Variants in POFUT2 observed in about 807,000 individuals in gnomAD.
The protein encoded by POFUT2 is GDP-fucose protein O-fucosyltransferase 2.
Under a neutral mutation model 55.0 loss-of-function variants are expected in POFUT2, and 30 were observed. That is an observed-to-expected ratio of 0.55 (90% CI 0.41 to 0.74). The LOEUF (loss-of-function observed/expected upper bound fraction) is 0.74, where lower values mean the gene tolerates loss of function less well. Among genes scored for constraint, POFUT2 ranks in the 30% least tolerant of loss-of-function variants. The pLI, the probability that POFUT2 is intolerant of heterozygous loss-of-function variation, is 0.00. For missense variants in POFUT2, 524 were observed against 562.6 expected (o/e 0.93, Z 0.69); for synonymous variants, 267 against 231.1 (o/e 1.16, Z -1.41).
In POFUT2 at chr21:45,281,829, G is replaced by A. The variant is rs1174991692; in HGVS notation, c.638+520C>T. Among the ~76,000 whole-genome samples the A allele has an allele frequency of 6.6e-6, 1 of 152,056 alleles. No homozygotes were observed. Among genetic ancestry groups the A allele is most frequent in the Non-Finnish European group, 1.5e-5 (1 of 68,008 alleles). ...CCCTCCAGAGTTTACGACATCATCAGGTACTGACTTGTCTGCAACCCCAGC... is the reference window on the plus strand; with the variant it reads ...CCCTCCAGAGTTTACGACATCATCAAGTACTGACTTGTCTGCAACCCCAGC... On this transcript the variant is annotated intron_variant, in intron 4 of 8. Transcript: ENST00000349485. The surrounding 1 kb of genome is among the most constrained non-coding windows in gnomAD (Gnocchi z 5.0).
At position 45,264,703 on chromosome 21, in the gene POFUT2, CGGGGCGAGGGAGGGGTGGCCAGTG is replaced by C. The variant is rs894165674; in HGVS notation, c.*755_*778del. The C allele has an allele frequency of 3.2e-5, 1 of 31,032 alleles. No homozygotes were observed. Among genetic ancestry groups the C allele is most frequent in the Non-Finnish European group, 6.5e-5 (1 of 15,436 alleles). The allele number at this position is 31,032 out of a possible 1,614,324, so 1.9% of individuals were successfully genotyped here. On this transcript the variant is annotated 3_prime_UTR_variant, in exon 9 of 9. Transcript: ENST00000349485. ...CGGGGTGAGGGTGGGGCGGGGCAGTCGGGGCGAGGGAGGGGTGGCCAGTGGGGGCGAGGGTGGGTGGCCAGCCGG... is the reference window on the plus strand; with the variant it reads ...CGGGGTGAGGGTGGGGCGGGGCAGTCGGGGCGAGGGTGGGTGGCCAGCCGG...
intron 1 of POFUT2, among the ~76,000 whole-genome samples, chr21:45,286,313 G>A (rs907601683): frequency 1.1e-4 from 17 of 152,130 alleles, no homozygotes; most frequent in Non-Finnish European, 2.2e-4. Context: ...AGACGTTAAA[G>A]CTACAAGTAT....
At chr21:45,273,214 G>A (rs979124562) in intron 6 of POFUT2, among the ~76,000 whole-genome samples, 1 of 152,104 alleles carries the variant, frequency 6.6e-6, no homozygotes, top group Non-Finnish European at 1.5e-5. Context: ...TATTACAGTC[G>A]ATACCATAGA....
At chr21:45,274,757 T>C (rs540852345) in intron 6 of POFUT2, among the ~76,000 whole-genome samples, 1 of 152,158 alleles carries the variant, frequency 6.6e-6, no homozygotes, top group East Asian at 1.9e-4. Flanking sequence ...GCAGCCCACA[T>C]GTAGAAGAAT....
chr21:45,286,554 G>A (rs534553958), intron 1 of POFUT2, among the ~76,000 whole-genome samples: 1 of 152,352 alleles, frequency 6.6e-6, no homozygotes, highest in South Asian at 2.1e-4. Flanking sequence ...GTGCATTCAT[G>A]AGAAGTGAAA....
In POFUT2 at chr21:45,263,979, C is replaced by T. The variant is rs572503214; in HGVS notation, c.*1503G>A. On this transcript the variant is annotated 3_prime_UTR_variant, in exon 9 of 9. Coordinates refer to ENST00000349485, the MANE Select transcript of POFUT2 (RefSeq NM_133635.6). ...TTTCTTAAAAAGGAAGGTACATGGT[C>T]ACAGTCCAAAATGTTTTATACAGCT... 1.3e-5 allele frequency: 2 copies of T among 152,332 alleles called. No homozygotes were observed. The highest frequency in any genetic ancestry group is 3.9e-4 in the East Asian group (2 of 5,188). 9.4% of individuals were successfully genotyped at this position (152,332 alleles called of 1,614,324 possible). A position where few individuals can be genotyped will look rare whatever the true frequency, so the allele number is the denominator to read the frequency against.
intron 1 of POFUT2, 65 bp downstream of exon 1, chr21:45,287,676 C>T: frequency 8.5e-7 from 1 of 1,181,534 alleles, no homozygotes; most frequent in Non-Finnish European, 1.1e-6. Context: ...GCCCCGCCCC[C>T]ATCCCATCCT....
At position 45,268,876 on chromosome 21, in the gene POFUT2, CCGGG is replaced by C. The variant is rs1445681976; in HGVS notation, c.1012+959_1012+962del. Among the ~76,000 whole-genome samples the C allele has an allele frequency of 6.2e-4, 61 of 98,394 alleles. 6 individuals carry two copies. Among genetic ancestry groups the C allele is most frequent in the African/African-American group, 2.2e-3 (55 of 24,798 alleles). 64.6% of individuals were successfully genotyped at this position (98,394 alleles called of 152,430 possible). A position where few individuals can be genotyped will look rare whatever the true frequency, so the allele number is the denominator to read the frequency against. On this transcript the variant is annotated intron_variant, in intron 7 of 8. Coordinates refer to ENST00000349485, the MANE Select transcript of POFUT2 (RefSeq NM_133635.6). ...GGAGGGAGGTGGGGGGGTCAGCACC[CCGGG>C]CGGCCAGCCGCCCCGTCCGGGAGGG...
rs1174972721 is a variant in POFUT2 at position 45,282,580 on chromosome 21, A to G, written c.528-121T>C. The G allele has an allele frequency of 2.9e-6, 2 of 695,000 alleles. No homozygotes were observed. The highest frequency in any genetic ancestry group is 5.2e-6 in the Non-Finnish European group (2 of 383,284). The allele number at this position is 695,000 out of a possible 1,614,324, so 43.1% of individuals were successfully genotyped here. A position where few individuals can be genotyped will look rare whatever the true frequency, so the allele number is the denominator to read the frequency against. ...TGATGAAACGCGGCTGCTTTAGGAA[A>G]ACTTACTGATCGTGACTGCAGATCG... On this transcript the variant is annotated intron_variant, in intron 3 of 8. Transcript: ENST00000349485. The surrounding 1 kb of genome is among the most constrained non-coding windows in gnomAD (Gnocchi z 4.6).
rs755789626 is a variant in POFUT2 at position 45,282,332 on chromosome 21, G to A, written c.638+17C>T. ...CCACAGCCTCCAGGCTGCTCCCGGG[G>A]GGCCTGGGGCACTCACCGGGCTGAT... On this transcript the variant is annotated intron_variant, in intron 4 of 8. Transcript: ENST00000349485. This position sits in a 1 kb window ranked among gnomAD's most constrained non-coding sequence, Gnocchi z 4.6. 2 of 1,534,198 alleles carry A rather than the reference G, an allele frequency of 1.3e-6. No homozygotes were observed. The highest frequency in any genetic ancestry group is 1.8e-6 in the Non-Finnish European group (2 of 1,108,428).
In POFUT2 at chr21:45,287,885, C is replaced by T. The variant is rs772430976; in HGVS notation, c.-14G>A. 1.1e-5 allele frequency: 15 copies of T among 1,317,290 alleles called. No individual in the cohort carries two copies. The highest frequency in any genetic ancestry group is 1.1e-5 in the Non-Finnish European group (11 of 1,025,958). 81.6% of individuals were successfully genotyped at this position (1,317,290 alleles called of 1,614,324 possible). ...GAGTGTCGCCATGGCCCCGGGCGGC[C>T]ACGCACTTCCGGCGGCCGCGCCCCG... On this transcript the variant is annotated 5_prime_UTR_variant, in exon 1 of 9. Coordinates refer to ENST00000349485, the MANE Select transcript of POFUT2 (RefSeq NM_133635.6).
At position 45,285,789 on chromosome 21, in the gene POFUT2, G is replaced by A; in HGVS notation, c.271C>T (p.His91Tyr). The part of the protein sequence containing the change: ...LVLPPWGRLY[H>Y]WQSPDIHQVR... Reference sequence around the variant, plus strand: ...TGGTGGATGTCAGGACTCTGCCAGTGATAGAGGCGGCCCCATGGAGGCAGG... The same window carrying A: ...TGGTGGATGTCAGGACTCTGCCAGTAATAGAGGCGGCCCCATGGAGGCAGG... Residue 91 changes from histidine to tyrosine, a missense_variant, in exon 2 of 9, where the codon CAC (histidine) becomes TAC (tyrosine). Transcript: ENST00000349485. The surrounding 1 kb of genome is among the most constrained non-coding windows in gnomAD (Gnocchi z 4.9). 6 of 1,613,760 alleles carry A rather than the reference G, an allele frequency of 3.7e-6. No homozygotes were observed. Among genetic ancestry groups the A allele is most frequent in the Non-Finnish European group, 5.1e-6 (6 of 1,180,016 alleles).
chr21:45,266,055 T>C, intron 8 of POFUT2: 2 of 1,235,464 alleles, frequency 1.6e-6, no homozygotes, highest in Admixed American at 2.6e-5. Flanking sequence ...GGCGGGTCCT[T>C]ATCCTGAGGC....
intron 6 of POFUT2, among the ~76,000 whole-genome samples, chr21:45,276,751 T>C (rs1035295491): frequency 6.6e-6 from 1 of 152,014 alleles, no homozygotes; most frequent in African/African-American, 2.4e-5. Flanking sequence ...CACCTTTGAG[T>C]CCGCTGGGCC....
intron 1 of POFUT2, among the ~76,000 whole-genome samples, chr21:45,286,834 C>T (rs2031465573): frequency 6.6e-6 from 1 of 152,188 alleles, no homozygotes; most frequent in African/African-American, 2.4e-5. Context: ...AGGGGCCGTG[C>T]ACACCTCTGC....
intron 4 of POFUT2, among the ~76,000 whole-genome samples, chr21:45,279,187 C>T (rs143503579): frequency 0.12 from 18,628 of 152,028 alleles, 1,551 homozygotes; most frequent in African/African-American, 0.24. Flanking sequence ...GTCAGGAGAT[C>T]GAGACCATCC....
Position 45,282,806 on chromosome 21 carries a change from G to A in POFUT2, c.528-347C>T, listed in dbSNP as rs1434580852. 4 of 494,252 alleles carry A rather than the reference G, an allele frequency of 8.1e-6. No homozygotes were observed. Among genetic ancestry groups the A allele is most frequent in the Non-Finnish European group, 8.2e-6 (2 of 243,352 alleles). The allele number at this position is 494,252 out of a possible 1,614,324, so 30.6% of individuals were successfully genotyped here. On this transcript the variant is annotated intron_variant, in intron 3 of 8. Coordinates refer to ENST00000349485, the MANE Select transcript of POFUT2 (RefSeq NM_133635.6). This position sits in a 1 kb window ranked among gnomAD's most constrained non-coding sequence, Gnocchi z 4.6. ...CCGCGCCCTTCCCAAGAGCTCACCT[G>A]CCATGCTTTAGAGCCAGCTGCCCTG...
chr21:45,286,559 G>A (rs1441639759), intron 1 of POFUT2, among the ~76,000 whole-genome samples: 1 of 152,214 alleles, frequency 6.6e-6, no homozygotes, highest in African/African-American at 2.4e-5. Flanking sequence ...TTCATGAGAA[G>A]TGAAAAAGGC....
intron 7 of POFUT2, among the ~76,000 whole-genome samples, chr21:45,268,369 A>G (rs1470911236): frequency 6.6e-6 from 1 of 151,966 alleles, no homozygotes; most frequent in Non-Finnish European, 1.5e-5. Context: ...TTGGCCTCCC[A>G]AAGTGCCAAG....
Sources: allele counts gnomAD v4.1 joint callset (sites outside exome capture counted in the v4.1 genomes callset), GRCh38; gene constraint gnomAD v4.1.1; non-coding constraint Gnocchi (gnomAD v3.1); transcripts MANE v1.5; gene names NCBI Gene and HGNC (gene_info 2026-07-23, HGNC 2026-07-21).